Variants in MKLN1 observed in about 807,000 individuals in gnomAD.
The protein encoded by MKLN1 is muskelin 1, also known as muskelin.
MKLN1 carries 18 observed loss-of-function variants against 99.0 expected under a neutral mutation model. The ratio of observed to expected loss-of-function variants is 0.18; its 90% CI spans 0.13 to 0.27. MKLN1 has a LOEUF of 0.27. Among genes scored for constraint, MKLN1 ranks in the 10% least tolerant of loss-of-function variants. MKLN1 has a pLI of 1.00. For synonymous variants in MKLN1, 288 were observed against 293.2 expected, an observed-to-expected ratio of 0.98 and a Z score of 0.18; for missense variants, 621 against 875.9, an observed-to-expected ratio of 0.71 and a Z score of 3.67.
intron 2 of MKLN1, among the ~76,000 whole-genome samples, chr7:131,383,517 A>G (rs1159909209): frequency 6.6e-6 from 1 of 152,254 alleles, no homozygotes; most frequent in African/African-American, 2.4e-5. Flanking sequence ...AAAGCTGTCT[A>G]GCAAACCCAC....
chr7:131,297,462 A>G (rs1194771511), intron 3 of MKLN1, among the ~76,000 whole-genome samples: 2 of 151,812 alleles, frequency 1.3e-5, no homozygotes, highest in Non-Finnish European at 2.9e-5. Flanking sequence ...GTATTTGCAG[A>G]TACAAAGCCC....
intron 10 of MKLN1, among the ~76,000 whole-genome samples, chr7:131,440,545 A>G (rs572344795): frequency 6.6e-6 from 1 of 152,336 alleles, no homozygotes. Context: ...CAATAAAAAG[A>G]AAAATAACAA....
chr7:131,402,574 C>T (rs1381101091), intron 6 of MKLN1, among the ~76,000 whole-genome samples: 1 of 152,172 alleles, frequency 6.6e-6, no homozygotes, highest in African/African-American at 2.4e-5. Flanking sequence ...AGAGGAATCA[C>T]TGTCTGTGGC....
At chr7:131,455,605 C>T (rs1452498212) in intron 12 of MKLN1, among the ~76,000 whole-genome samples, 2 of 152,022 alleles carry the variant, frequency 1.3e-5, no homozygotes, top group Non-Finnish European at 2.9e-5. Flanking sequence ...CTTTGTGAGT[C>T]AGTTTCTAAA....
intron 1 of MKLN1, among the ~76,000 whole-genome samples, chr7:131,117,080 A>T (rs1795288744): frequency 6.6e-6 from 1 of 152,116 alleles, no homozygotes; most frequent in South Asian, 2.1e-4. Flanking sequence ...CTGAAGCACG[A>T]TTTATAGTAG....
At chr7:131,442,566 T>C (rs965683309) in intron 10 of MKLN1, among the ~76,000 whole-genome samples, 1 of 152,112 alleles carries the variant, frequency 6.6e-6, no homozygotes, top group Admixed American at 6.6e-5. Flanking sequence ...AAACAAATTA[T>C]GAAAATAGCC....
chr7:131,218,794 C>A (rs930715516), intron 3 of MKLN1, among the ~76,000 whole-genome samples: 1 of 152,150 alleles, frequency 6.6e-6, no homozygotes, highest in African/African-American at 2.4e-5. Context: ...TTCCCCCCGA[C>A]CCCCGACCTC....
intron 2 of MKLN1, among the ~76,000 whole-genome samples, chr7:131,168,092 T>C (rs575081841): frequency 6.6e-6 from 1 of 152,354 alleles, no homozygotes; most frequent in Admixed American, 6.5e-5. Context: ...CTTTCTGTAA[T>C]GTGCTATTTA....
intron 3 of MKLN1, among the ~76,000 whole-genome samples, chr7:131,258,077 T>C (rs1797682677): frequency 6.6e-6 from 1 of 150,724 alleles, no homozygotes. Context: ...GCCATGATCA[T>C]GCCACTGCAC....
Position 131,489,195 on chromosome 7 carries a change from G to T in MKLN1, c.*1467G>T, listed in dbSNP as rs1797363579. On this transcript the variant is annotated 3_prime_UTR_variant, in exon 18 of 18. Coordinates refer to ENST00000352689, the MANE Select transcript of MKLN1 (RefSeq NM_013255.5). The stretch of plus-strand genomic sequence containing the variant: ...CCATGTATAGGAATGAAACATTGAG[G>T]TCCCACTTTATTCTGTCTTTAGTAC... The T allele has an allele frequency of 6.6e-6, 1 of 152,040 alleles. No homozygotes were observed. The highest frequency in any genetic ancestry group is 6.6e-5 in the Admixed American group (1 of 15,228). 9.4% of individuals were successfully genotyped at this position (152,040 alleles called of 1,614,324 possible). A position where few individuals can be genotyped will look rare whatever the true frequency, so the allele number is the denominator to read the frequency against.
intron 6 of MKLN1, among the ~76,000 whole-genome samples, chr7:131,403,790 T>G (rs1794621459): frequency 1.3e-5 from 2 of 152,068 alleles, no homozygotes; most frequent in Non-Finnish European, 2.9e-5. Flanking sequence ...ATTATTAACA[T>G]CAAAGATCAC....
chr7:131,128,644 G>T (rs1261674447), intron 1 of MKLN1, among the ~76,000 whole-genome samples: 2 of 152,098 alleles, frequency 1.3e-5, no homozygotes, highest in Admixed American at 6.6e-5. Context: ...TTTTCATAGG[G>T]TCTTGTTCTG....
At chr7:131,361,590 G>T (rs1301992761) in intron 1 of MKLN1, among the ~76,000 whole-genome samples, 4 of 149,114 alleles carry the variant, frequency 2.7e-5, no homozygotes. Flanking sequence ...CTTTTTTCTG[G>T]CTTTCTTTTT....
intron 1 of MKLN1, among the ~76,000 whole-genome samples, chr7:131,131,584 T>C (rs1030643656): frequency 8.5e-5 from 13 of 152,220 alleles, no homozygotes; most frequent in African/African-American, 3.1e-4. Flanking sequence ...GGATGGTTTA[T>C]GAACTTGCTT....
chr7:131,236,448 G>A (rs995078016), intron 3 of MKLN1, among the ~76,000 whole-genome samples: 1 of 152,148 alleles, frequency 6.6e-6, no homozygotes, highest in Non-Finnish European at 1.5e-5. Flanking sequence ...ATCACTCGAG[G>A]TCAGGTGTTT....
chr7:131,243,718 T>A (rs1308159655), intron 3 of MKLN1, among the ~76,000 whole-genome samples: 5 of 152,274 alleles, frequency 3.3e-5, no homozygotes, highest in East Asian at 1.9e-4. Flanking sequence ...TTAAATTTTT[T>A]AAAAATTATG....
At chr7:131,165,569 T>C (rs745746950) in intron 2 of MKLN1, among the ~76,000 whole-genome samples, 11 of 152,152 alleles carry the variant, frequency 7.2e-5, no homozygotes, top group Non-Finnish European at 1.3e-4. Flanking sequence ...ACAGAGCTGG[T>C]TCAAGGAACT....
chr7:131,174,218 C>T (rs563218020), intron 2 of MKLN1, among the ~76,000 whole-genome samples: 2 of 152,216 alleles, frequency 1.3e-5, no homozygotes, highest in East Asian at 1.9e-4. Context: ...GTGATCTGAC[C>T]GCCTCGGCCT....
At chr7:131,214,710 T>C (rs1471052791) in intron 3 of MKLN1, among the ~76,000 whole-genome samples, 2 of 152,208 alleles carry the variant, frequency 1.3e-5, no homozygotes, top group Non-Finnish European at 2.9e-5. Flanking sequence ...CCCTTTCGTT[T>C]TCTACATGGA....
Sources: allele counts gnomAD v4.1 joint callset (sites outside exome capture counted in the v4.1 genomes callset), GRCh38; gene constraint gnomAD v4.1.1; transcripts MANE v1.5; gene names NCBI Gene and HGNC (gene_info 2026-07-23, HGNC 2026-07-21).